The following ADARB2 variants were observed in gnomAD, a reference collection of about 807,000 sequenced individuals.
The protein encoded by ADARB2 is inactive double-stranded RNA-specific editase B2.
In ADARB2, 25 loss-of-function variants were observed where a neutral mutation model predicts 62.2. That is an observed-to-expected ratio of 0.40 (90% CI 0.29 to 0.56). The LOEUF is 0.56. Among genes scored for constraint, ADARB2 ranks in the 20% least tolerant of loss-of-function variants. The pLI, the probability that ADARB2 is intolerant of heterozygous loss-of-function variation, is 0.43. For missense variants in ADARB2, 1,071 were observed against 1,077.4 expected (o/e 0.99, Z 0.08); for synonymous variants, 572 against 500.8 (o/e 1.14, Z -1.90).
chr10:1,505,759 C>A (rs1223618895), intron 1 of ADARB2, among the ~76,000 whole-genome samples: 2 of 152,014 alleles, frequency 1.3e-5, no homozygotes, highest in African/African-American at 4.8e-5. Context: ...ATGGCAGCCG[C>A]CTCCCCATGC....
rs1832286393 is a variant in ADARB2, at chr10:1,363,791, C to G, written c.314G>C (p.Gly105Ala). The change falls in exon 3 of 10, where the codon GGG becomes GCG. Residue 105 changes from glycine to alanine, a missense_variant. Physicochemically the swap from Gly to Ala is moderately conservative, Grantham distance 60. Transcript: ENST00000381312. Reference sequence around the variant, plus strand: ...CAGTTTGCACAAGTGGCCCCCATTCCCCTCCTCCAGCGGCCGCTTCCTCTT... The same window carrying G: ...CAGTTTGCACAAGTGGCCCCCATTCGCCTCCTCCAGCGGCCGCTTCCTCTT... ...GAKRKRPLEEGNGGHLCKLQL... is the reference protein window; with the variant it reads ...GAKRKRPLEEANGGHLCKLQL... The G allele has an allele frequency of 1.3e-6, 2 of 1,599,224 alleles. No individual in the cohort carries two copies. The highest frequency in any genetic ancestry group is 1.1e-5 in the South Asian group (1 of 90,880).
intron 1 of ADARB2, among the ~76,000 whole-genome samples, chr10:1,652,716 A>G (rs975083116): frequency 5.9e-5 from 9 of 152,134 alleles, no homozygotes; most frequent in Non-Finnish European, 1.2e-4. Flanking sequence ...CCTTCTTTGC[A>G]CAGGTCAGCA....
At chr10:1,287,923 CACAA>C (rs1456997885) in intron 3 of ADARB2, among the ~76,000 whole-genome samples, 5 of 152,246 alleles carry the variant, frequency 3.3e-5, no homozygotes, top group Non-Finnish European at 5.9e-5. Context: ...TGACTGCTGA[CACAA>C]ACATTGTCCT....
intron 8 of ADARB2, among the ~76,000 whole-genome samples, chr10:1,192,303 C>G (rs773971047): frequency 3.7e-4 from 57 of 152,164 alleles, no homozygotes; most frequent in Admixed American, 3.9e-4. Flanking sequence ...TGGGCCTGCA[C>G]AGATTCATAA....
At chr10:1,709,632 T>G (rs1336747304) in intron 1 of ADARB2, among the ~76,000 whole-genome samples, 1 of 152,202 alleles carries the variant, frequency 6.6e-6, no homozygotes, top group Non-Finnish European at 1.5e-5. Flanking sequence ...AGGTGGTGAC[T>G]TGAGCTTCCA....
At position 1,398,385 on chromosome 10, in the gene ADARB2, G is replaced by A. The variant is rs1832634276; in HGVS notation, c.101-19225C>T. 6.6e-6 allele frequency among the ~76,000 whole-genome samples: 1 copy of A among 152,248 alleles called. No individual in the cohort carries two copies. Among genetic ancestry groups the A allele is most frequent in the African/African-American group, 2.4e-5 (1 of 41,466 alleles). On this transcript the variant is annotated intron_variant, in intron 1 of 9. Coordinates refer to ENST00000381312, the MANE Select transcript of ADARB2 (RefSeq NM_018702.4). The surrounding 1 kb of genome is among the most constrained non-coding windows in gnomAD (Gnocchi z 4.1). ...GGGTGAAAGACCATGAGCGCTCCTC[G>A]GGACATCTGGCCTTTCACCTGTGCA...
chr10:1,362,965 G>A (rs1365497562), intron 3 of ADARB2, 63 bp downstream of exon 3: 2 of 1,257,034 alleles, frequency 1.6e-6, no homozygotes, highest in South Asian at 2.6e-5. Context: ...AACAGGGAAA[G>A]GTCGGGGTCT....
intron 1 of ADARB2, among the ~76,000 whole-genome samples, chr10:1,653,223 A>T (rs1482793141): frequency 9.2e-5 from 14 of 152,130 alleles, no homozygotes; most frequent in Admixed American, 5.2e-4. Context: ...GATGGCGAGG[A>T]GGGAGACTGG....
chr10:1,456,595 A>C (rs1304259272), intron 1 of ADARB2, among the ~76,000 whole-genome samples: 1 of 152,110 alleles, frequency 6.6e-6, no homozygotes, highest in East Asian at 1.9e-4. Flanking sequence ...ACGATCCTGC[A>C]AGGGACCATT....
intron 2 of ADARB2, among the ~76,000 whole-genome samples, chr10:1,375,983 G>A (rs1237987103): frequency 6.7e-5 from 10 of 148,544 alleles, no homozygotes; most frequent in African/African-American, 1.8e-4. Context: ...GCACACACAC[G>A]CACACACACG....
intron 3 of ADARB2, among the ~76,000 whole-genome samples, chr10:1,297,728 C>T (rs553919287): frequency 1.6e-4 from 24 of 152,150 alleles, no homozygotes; most frequent in Non-Finnish European, 2.6e-4. Context: ...CTCCTGCCAC[C>T]GGGGGGCACA....
intron 3 of ADARB2, among the ~76,000 whole-genome samples, chr10:1,276,129 T>G (rs1020381753): frequency 2.0e-5 from 3 of 152,100 alleles, no homozygotes; most frequent in African/African-American, 7.2e-5. Context: ...ACCAACAGTG[T>G]AAAAGTGTTC....
intron 8 of ADARB2, among the ~76,000 whole-genome samples, chr10:1,196,422 A>G (rs1449041024): frequency 2.0e-5 from 3 of 152,010 alleles, no homozygotes; most frequent in Non-Finnish European, 4.4e-5. Context: ...TCGATGTTGG[A>G]TACATTTAAT....
At chr10:1,234,189 A>G (rs537682695) in intron 5 of ADARB2, among the ~76,000 whole-genome samples, 2 of 151,644 alleles carry the variant, frequency 1.3e-5, no homozygotes, top group East Asian at 2.0e-4. Context: ...GGGTTTCACC[A>G]TGTTGGCCAG....
intron 3 of ADARB2, among the ~76,000 whole-genome samples, chr10:1,304,607 AT>A (rs1001237496): frequency 3.9e-4 from 59 of 151,472 alleles, no homozygotes; most frequent in African/African-American, 1.4e-3. Flanking sequence ...CTATTCCAAA[AT>A]TGACCACATA....
chr10:1,710,579 G>A (rs1002696892), intron 1 of ADARB2, among the ~76,000 whole-genome samples: 1 of 152,200 alleles, frequency 6.6e-6, no homozygotes, highest in African/African-American at 2.4e-5. Context: ...ACTTATTCAC[G>A]GCACTCACAG....
chr10:1,363,099 G>C lies in ADARB2; in HGVS notation c.1006C>G (p.Leu336Val). The part of the protein sequence containing the change: ...LARGQAAQAA[L>V]QELFDIQMPG... ...ATCTGGATGTCGAACAGCTCCTGCAGTGCGGCCTGCGCGGCCTGACCCCGG... is the reference window on the plus strand; with the variant it reads ...ATCTGGATGTCGAACAGCTCCTGCACTGCGGCCTGCGCGGCCTGACCCCGG... The change falls in exon 3 of 10, where the codon CTG (leucine) becomes GTG (valine). Residue 336 changes from leucine to valine, a missense_variant. Physicochemically the swap from Leu to Val is conservative, Grantham distance 32 (BLOSUM62 1). Coordinates refer to ENST00000381312, the MANE Select transcript of ADARB2 (RefSeq NM_018702.4). The C allele has an allele frequency of 1.3e-6, 2 of 1,521,270 alleles. No homozygotes were observed. Among genetic ancestry groups the C allele is most frequent in the Non-Finnish European group, 1.8e-6 (2 of 1,142,700 alleles). The allele number at this position is 1,521,270 out of a possible 1,614,324, so 94.2% of individuals were successfully genotyped here.
At chr10:1,402,861 G>A (rs1032747984) in intron 1 of ADARB2, among the ~76,000 whole-genome samples, 1 of 152,244 alleles carries the variant, frequency 6.6e-6, no homozygotes, top group East Asian at 1.9e-4. Context: ...AAATCACTAA[G>A]AATTTCAAGA....
chr10:1,707,081 T>C (rs1043223207), intron 1 of ADARB2, among the ~76,000 whole-genome samples: 2 of 152,222 alleles, frequency 1.3e-5, no homozygotes, highest in African/African-American at 4.8e-5. Context: ...CAAATGGATA[T>C]CAAAATTATT....
Sources: allele counts gnomAD v4.1 joint callset (sites outside exome capture counted in the v4.1 genomes callset), GRCh38; gene constraint gnomAD v4.1.1; non-coding constraint Gnocchi (gnomAD v3.1); transcripts MANE v1.5; gene names NCBI Gene and HGNC (gene_info 2026-07-23, HGNC 2026-07-21).